Variants in ELMO1 observed in about 807,000 individuals in gnomAD.
ELMO1 encodes the protein engulfment and cell motility 1.
In ELMO1, 26 loss-of-function variants were observed where a neutral mutation model predicts 98.9. The ratio of observed to expected loss-of-function variants is 0.26; its 90% CI spans 0.19 to 0.36. The LOEUF (loss-of-function observed/expected upper bound fraction) is 0.36. ELMO1 is among the 10% of genes least tolerant of loss of function. ELMO1 has a pLI of 1.00. For missense variants in ELMO1, 627 were observed against 935.2 expected, an observed-to-expected ratio of 0.67 and a Z score of 4.30; for synonymous variants, 346 against 346.0, an observed-to-expected ratio of 1.00 and a Z score of 0.00.
At chr7:37,259,415 T>A in intron 5 of ELMO1, 65 bp from the exon 6 acceptor site, 1 of 1,554,996 alleles carries the variant, frequency 6.4e-7, no homozygotes. Flanking sequence ...AACAGATTTA[T>A]GTTTCAATGA....
intron 14 of ELMO1, among the ~76,000 whole-genome samples, chr7:37,120,517 C>T (rs554176996): frequency 4.6e-5 from 7 of 152,342 alleles, no homozygotes; most frequent in African/African-American, 1.7e-4. Context: ...CCCACAGAGC[C>T]TTGCTTGTTG....
At position 36,977,118 on chromosome 7, in the gene ELMO1, A is replaced by G. The variant is rs577809198; in HGVS notation, c.1437+36181T>C. 2.0e-5 allele frequency among the ~76,000 whole-genome samples: 3 copies of G among 152,336 alleles called. No homozygotes were observed. The South Asian group carries it at 6.2e-4, about 32-fold the overall frequency. ...TTAGCACGCTACTGAAACTGTTAGG[A>G]AAAGGACAGAGACTGAGAATTGGAG... On this transcript the variant is annotated intron_variant, in intron 16 of 21. Transcript: ENST00000310758.
chr7:37,179,556 C>T (rs1037530683), intron 13 of ELMO1, among the ~76,000 whole-genome samples: 1 of 152,056 alleles, frequency 6.6e-6, no homozygotes, highest in African/African-American at 2.4e-5. Context: ...GGATTACAGG[C>T]GTGAGCCACC....
intron 16 of ELMO1, among the ~76,000 whole-genome samples, chr7:36,906,559 G>A (rs1022239714): frequency 6.6e-6 from 1 of 152,184 alleles, no homozygotes; most frequent in African/African-American, 2.4e-5. Flanking sequence ...ACTAATATGT[G>A]CTAATCACTG....
intron 4 of ELMO1, among the ~76,000 whole-genome samples, chr7:37,286,988 T>G (rs367656824): frequency 6.6e-6 from 1 of 151,704 alleles, no homozygotes; most frequent in African/African-American, 2.4e-5. Flanking sequence ...AGGTCAGGAG[T>G]TTGACAGCAG....
At chr7:37,395,025 T>G (rs1289079678) in intron 1 of ELMO1, among the ~76,000 whole-genome samples, 1 of 151,880 alleles carries the variant, frequency 6.6e-6, no homozygotes, top group Non-Finnish European at 1.5e-5. Flanking sequence ...TAGCTGGGAG[T>G]AGTTTTGCAG....
At chr7:36,953,251 GCCA>G (rs1367772926) in intron 16 of ELMO1, among the ~76,000 whole-genome samples, 1 of 152,066 alleles carries the variant, frequency 6.6e-6, no homozygotes, top group African/African-American at 2.4e-5. Context: ...ACAGGTATGA[GCCA>G]CCGTGCCTCT....
chr7:37,215,230 G>A (rs146509703), intron 11 of ELMO1, among the ~76,000 whole-genome samples: 1 of 152,326 alleles, frequency 6.6e-6, no homozygotes, highest in East Asian at 1.9e-4. Context: ...CAGCCAGGAA[G>A]TTTAAAATTG....
chr7:37,270,945 C>CT (rs796192856), intron 5 of ELMO1: 98 of 143,076 alleles, frequency 6.8e-4, no homozygotes, highest in East Asian at 8.0e-4. Context: ...TCTTTTTTTT[C>CT]TTTTTTTTTT....
chr7:37,374,189 G>A (rs1048464911), intron 1 of ELMO1, among the ~76,000 whole-genome samples: 3 of 152,132 alleles, frequency 2.0e-5, no homozygotes, highest in African/African-American at 7.2e-5. Flanking sequence ...AATGAATGCT[G>A]GCCCTAACAC....
At chr7:37,057,870 G>T (rs146173996) in intron 15 of ELMO1, among the ~76,000 whole-genome samples, 2 of 152,328 alleles carry the variant, frequency 1.3e-5, no homozygotes, top group East Asian at 1.9e-4. Context: ...TTACATTTGT[G>T]TATTGCCATA....
At position 37,298,460 on chromosome 7, in the gene ELMO1, G is replaced by A. The variant is rs1247137029; in HGVS notation, c.192+16390C>T. Among the ~76,000 whole-genome samples, 6 of 66,836 alleles carry A rather than the reference G, an allele frequency of 9.0e-5. No individual in the cohort carries two copies. In the East Asian group the frequency reaches 1.4e-3, roughly 16 times the overall value. 43.8% of individuals were successfully genotyped at this position (66,836 alleles called of 152,430 possible). ...CAATGCTATCCCTCCTCCCTCCCCC[G>A]ACCCCACCACAGTCCCCAGAGTGTG... On this transcript the variant is annotated intron_variant, in intron 4 of 21. Transcript: ENST00000310758.
At chr7:37,220,182 G>A (rs973048801) in intron 10 of ELMO1, among the ~76,000 whole-genome samples, 2 of 152,148 alleles carry the variant, frequency 1.3e-5, no homozygotes, top group African/African-American at 4.8e-5. Context: ...CCTTTTTAGA[G>A]CTATCTCGCT....
intron 1 of ELMO1, among the ~76,000 whole-genome samples, chr7:37,443,248 A>T (rs965918070): frequency 7.2e-5 from 11 of 152,184 alleles, no homozygotes; most frequent in African/African-American, 2.7e-4. Context: ...GTGCCTCTCC[A>T]GTGTTTTCTA....
intron 15 of ELMO1, among the ~76,000 whole-genome samples, chr7:37,059,003 A>T (rs1796533604): frequency 6.6e-6 from 1 of 152,152 alleles, no homozygotes; most frequent in Non-Finnish European, 1.5e-5. Context: ...GAGGCATCCC[A>T]TTGGCTCAGG....
chr7:36,937,619 G>A (rs1786659387), intron 16 of ELMO1, among the ~76,000 whole-genome samples: 1 of 152,202 alleles, frequency 6.6e-6, no homozygotes, highest in Admixed American at 6.5e-5. Flanking sequence ...AGAAAATCAA[G>A]TGTAAACCAG....
At chr7:37,226,554 C>T (rs73690156) in intron 8 of ELMO1, among the ~76,000 whole-genome samples, 1,571 of 152,214 alleles carry the variant, frequency 0.01, 29 homozygotes, top group African/African-American at 0.036. Flanking sequence ...CCATTTTTCA[C>T]GCTCTCGGCA....
At chr7:36,963,203 C>T (rs181127925) in intron 16 of ELMO1, among the ~76,000 whole-genome samples, 72 of 152,130 alleles carry the variant, frequency 4.7e-4, no homozygotes, top group African/African-American at 1.6e-3. Context: ...CACAGTGAAA[C>T]CCTGTCTCTA....
rs1339854481 is a variant in ELMO1 at position 37,164,848 on chromosome 7, A to C, written c.1087-31614T>G. On this transcript the variant is annotated intron_variant, in intron 13 of 21. Transcript: ENST00000310758. ...TCTTTTTTGGTTCCATATGAACTTT[A>C]AAGTAGTTTTTTCCAATTCTGTGAA... 2.7e-5 allele frequency among the ~76,000 whole-genome samples: 4 copies of C among 150,768 alleles called. No homozygotes were observed. The Admixed American group carries it at 2.7e-4, about 10-fold the overall frequency.
Sources: allele counts gnomAD v4.1 joint callset (sites outside exome capture counted in the v4.1 genomes callset), GRCh38; gene constraint gnomAD v4.1.1; transcripts MANE v1.5; gene names NCBI Gene and HGNC (gene_info 2026-07-23, HGNC 2026-07-21).